The following TACR3 variants were observed in gnomAD, a reference collection of about 807,000 sequenced individuals.
The protein encoded by TACR3 is tachykinin receptor 3.
In TACR3, 34 loss-of-function variants were observed where a neutral mutation model predicts 35.0. That is an observed-to-expected ratio of 0.97 (90% confidence interval 0.74 to 1.30). The LOEUF (loss-of-function observed/expected upper bound fraction) is 1.30, where lower values mean the gene tolerates loss of function less well. TACR3 is among the 50% of genes most tolerant of loss of function. TACR3 has a pLI of 0.00. For missense variants in TACR3, 558 were observed against 591.7 expected (o/e 0.94, Z 0.59); for synonymous variants, 233 against 221.1 (o/e 1.05, Z -0.48).
intron 1 of TACR3, among the ~76,000 whole-genome samples, chr4:103,706,073 T>A (rs1366465981): frequency 3.3e-5 from 5 of 151,662 alleles, no homozygotes; most frequent in Non-Finnish European, 7.4e-5. Flanking sequence ...TGGCTTGGAG[T>A]AGGGAAGTGG....
At chr4:103,639,431 G>C (rs1222389679) in intron 3 of TACR3, among the ~76,000 whole-genome samples, 1 of 152,016 alleles carries the variant, frequency 6.6e-6, no homozygotes, top group Non-Finnish European at 1.5e-5. Flanking sequence ...TCACACACCA[G>C]GGACTGTTGT....
intron 3 of TACR3, among the ~76,000 whole-genome samples, chr4:103,628,334 T>A (rs985980396): frequency 6.6e-6 from 1 of 151,968 alleles, no homozygotes; most frequent in Non-Finnish European, 1.5e-5. Flanking sequence ...AAAAAACCCT[T>A]CAAAAAATCA....
intron 3 of TACR3, among the ~76,000 whole-genome samples, chr4:103,634,099 CCTTTTA>C (rs1725127394): frequency 6.6e-6 from 1 of 152,016 alleles, no homozygotes; most frequent in Non-Finnish European, 1.5e-5. Context: ...TGGCATTAAC[CCTTTTA>C]CTTTTGAGAG....
At chr4:103,602,680 AGCAGCAGTGGC>A (rs1254395421) in intron 3 of TACR3, among the ~76,000 whole-genome samples, 6 of 152,198 alleles carry the variant, frequency 3.9e-5, no homozygotes, top group Non-Finnish European at 1.5e-5. Flanking sequence ...CCTGGGTATC[AGCAGCAGTGGC>A]TGCAGAACAG....
chr4:103,693,071 T>C (rs948602424), intron 1 of TACR3, among the ~76,000 whole-genome samples: 5 of 152,198 alleles, frequency 3.3e-5, no homozygotes, highest in African/African-American at 1.2e-4. Flanking sequence ...ACAGAATTGC[T>C]AAATATCCTG....
At chr4:103,691,515 C>T (rs1722400504) in intron 1 of TACR3, among the ~76,000 whole-genome samples, 1 of 152,074 alleles carries the variant, frequency 6.6e-6, no homozygotes, top group South Asian at 2.1e-4. Context: ...TGTTCTGTGT[C>T]CTGGCTGTGG....
At chr4:103,708,180 T>A (rs1246792170) in intron 1 of TACR3, among the ~76,000 whole-genome samples, 2 of 152,162 alleles carry the variant, frequency 1.3e-5, no homozygotes, top group East Asian at 3.9e-4. Context: ...GAGTTTGAGA[T>A]CTGAGCACGG....
chr4:103,632,038 T>G (rs1352393622), intron 3 of TACR3, among the ~76,000 whole-genome samples: 1 of 152,186 alleles, frequency 6.6e-6, no homozygotes, highest in African/African-American at 2.4e-5. Context: ...TATTACATAA[T>G]GTTATTATTT....
rs75019059 is a variant in TACR3, at chr4:103,677,699, C to T, written c.549-19296G>A. ...AAGGGAGAACAACACACACTGGGGC[C>T]TTTTGGAGTGTGGAGGGTGGGAGGA... On this transcript the variant is annotated intron_variant, in intron 1 of 4. Transcript: ENST00000304883. Among the ~76,000 whole-genome samples, 601 of 152,058 alleles carry T rather than the reference C, an allele frequency of 4.0e-3. 3 individuals carry two copies. The highest frequency in any genetic ancestry group is 0.013 in the African/African-American group (555 of 41,500).
chr4:103,650,924 T>G (rs1373675465), intron 3 of TACR3, among the ~76,000 whole-genome samples: 9 of 11,470 alleles, frequency 7.8e-4, no homozygotes, highest in Admixed American at 1.8e-3. Context: ...TAATAATATA[T>G]ATATCTTATA....
intron 2 of TACR3, among the ~76,000 whole-genome samples, chr4:103,657,245 TAA>T (rs1553972242): frequency 6.6e-6 from 1 of 152,052 alleles, no homozygotes; most frequent in Non-Finnish European, 1.5e-5. Context: ...TTGTTTTTTG[TAA>T]AGTGAATCTT....
At chr4:103,594,241 G>A (rs1355050408) in intron 3 of TACR3, among the ~76,000 whole-genome samples, 3 of 151,294 alleles carry the variant, frequency 2.0e-5, no homozygotes, top group East Asian at 1.9e-4. Context: ...GCAGTGGTGC[G>A]ATCTTGGCTC....
At chr4:103,597,202 G>A (rs1485224675) in intron 3 of TACR3, among the ~76,000 whole-genome samples, 2 of 146,558 alleles carry the variant, frequency 1.4e-5, no homozygotes, top group African/African-American at 5.0e-5. Context: ...GGTTGAACTA[G>A]TTTACAGTCC....
At chr4:103,712,353 G>A (rs1298774099) in intron 1 of TACR3, among the ~76,000 whole-genome samples, 1 of 152,068 alleles carries the variant, frequency 6.6e-6, no homozygotes, top group Non-Finnish European at 1.5e-5. Context: ...TGACAAACCT[G>A]ACAAAAACAA....
rs1411794592 is a variant in TACR3 at position 103,719,366 on chromosome 4, G to T, written c.310C>A (p.Leu104Ile). 1 of 1,614,226 alleles carries T rather than the reference G, an allele frequency of 6.2e-7. No individual in the cohort carries two copies. Among genetic ancestry groups the T allele is most frequent in the South Asian group, 1.1e-5 (1 of 91,090 alleles). Residue 104 changes from leucine to isoleucine, a missense_variant, in exon 1 of 5, where the codon CTC (leucine) becomes ATC (isoleucine). Physicochemically the swap from Leu to Ile is conservative, Grantham distance 5. Coordinates refer to ENST00000304883, the MANE Select transcript of TACR3 (RefSeq NM_001059.3). ...VVVAVAVLGN[L>I]IVIWIILAHK... ...GCCAGGATGATCCAGATGACGATGA[G>T]ATTTCCCAAAACTGCCACTGCCACC... is the stretch of plus-strand genomic sequence containing the variant.
chr4:103,640,914 T>C lies in TACR3; in HGVS notation c.888+15280A>G, dbSNP rs116646027. Among the ~76,000 whole-genome samples, 936 of 152,062 alleles carry C rather than the reference T, an allele frequency of 6.2e-3. 4 individuals are homozygous for C. The highest frequency in any genetic ancestry group is 0.01 in the Middle Eastern group (3 of 294). ...TGCAGAAGATTTTAGTTTAATGCAA[T>C]CTTGTTTGTCTATTTTGCTTTTGTT... On this transcript the variant is annotated intron_variant, in intron 3 of 4. Coordinates refer to ENST00000304883, the MANE Select transcript of TACR3 (RefSeq NM_001059.3).
chr4:103,632,419 C>T (rs1184285341), intron 3 of TACR3, among the ~76,000 whole-genome samples: 1 of 151,896 alleles, frequency 6.6e-6, no homozygotes, highest in East Asian at 1.9e-4. Flanking sequence ...TCATGCTCAG[C>T]AAACTAACAC....
intron 3 of TACR3, among the ~76,000 whole-genome samples, chr4:103,641,133 C>T (rs779855696): frequency 9.9e-5 from 15 of 151,814 alleles, no homozygotes; most frequent in Non-Finnish European, 1.9e-4. Flanking sequence ...TACCCAAGGT[C>T]CCTCAACACG....
chr4:103,686,579 G>C (rs1032987820), intron 1 of TACR3, among the ~76,000 whole-genome samples: 1 of 152,154 alleles, frequency 6.6e-6, no homozygotes, highest in Non-Finnish European at 1.5e-5. Flanking sequence ...AGAATTCATA[G>C]TTGTTACATT....
Sources: gnomAD v4.1 joint callset for allele counts (sites outside exome capture counted in the v4.1 genomes callset) on GRCh38, gnomAD v4.1.1 for gene constraint, MANE v1.5 for transcripts, NCBI Gene and HGNC (gene_info 2026-07-23, HGNC 2026-07-21) for gene names.